STEAP3: variants seen among roughly 807,000 people sequenced by gnomAD.
The protein encoded by STEAP3 is metalloreductase STEAP3.
In STEAP3, 35 loss-of-function variants were observed where a neutral mutation model predicts 34.9. The ratio of observed to expected loss-of-function variants is 1.00; its 90% CI spans 0.76 to 1.33. The LOEUF (loss-of-function observed/expected upper bound fraction) is 1.33, where lower values mean the gene tolerates loss of function less well. Ranked by LOEUF, STEAP3 falls within the 40% of genes most tolerant of loss-of-function variation. The pLI, the probability that STEAP3 is intolerant of heterozygous loss-of-function variation, is 0.00. For synonymous variants in STEAP3, 281 were observed against 301.6 expected (o/e 0.93, Z 0.71); for missense variants, 652 against 667.6 (o/e 0.98, Z 0.26).
chr2:119,247,764 G>A lies in STEAP3; in HGVS notation c.608G>A (p.Gly203Glu), dbSNP rs774917960. The A allele has an allele frequency of 4.4e-6, 7 of 1,605,578 alleles. No homozygotes were observed. In the South Asian group the frequency reaches 4.4e-5, roughly 10 times the overall value. ...LAMGFMPVDMGSLASAWEVEA... is the reference protein window; with the variant it reads ...LAMGFMPVDMESLASAWEVEA... ...ATGGGCTTCATGCCCGTGGACATGGGATCCCTGGCGTCAGCCTGGGAGGTG... is the reference window on the plus strand; with the variant it reads ...ATGGGCTTCATGCCCGTGGACATGGAATCCCTGGCGTCAGCCTGGGAGGTG... Residue 203 changes from glycine (G) to glutamate (E), a missense_variant, in exon 4 of 6, where the codon GGA (glycine) becomes GAA (glutamate). By Grantham distance (98) the Gly-to-Glu change is moderately conservative (BLOSUM62 -2). Transcript: ENST00000393110.
intron 1 of STEAP3, among the ~76,000 whole-genome samples, chr2:119,228,027 G>A (rs918548899): frequency 6.6e-6 from 1 of 151,924 alleles, no homozygotes; most frequent in Non-Finnish European, 1.5e-5. Flanking sequence ...ATGGGGTTTT[G>A]CCATGTTGGC....
chr2:119,231,250 T>C (rs571455092), intron 2 of STEAP3, among the ~76,000 whole-genome samples: 1 of 152,296 alleles, frequency 6.6e-6, no homozygotes, highest in East Asian at 1.9e-4. Flanking sequence ...GCTGCACGTT[T>C]TCATGGCCCC....
chr2:119,242,246 G>C (rs1677267739), intron 2 of STEAP3, among the ~76,000 whole-genome samples: 1 of 152,150 alleles, frequency 6.6e-6, no homozygotes, highest in African/African-American at 2.4e-5. Flanking sequence ...CAAATCATCA[G>C]CAAATGTTGG....
Position 119,254,765 on chromosome 2 carries a change from C to T in STEAP3, c.1132C>T (p.Leu378Phe). Residue 378 changes from leucine to phenylalanine, a missense_variant, in exon 5 of 6, where the codon CTC becomes TTC. Coordinates refer to ENST00000393110, the MANE Select transcript of STEAP3 (RefSeq NM_182915.3). ...CTACCTCTCCCTGGGAGTGCTGGCCCTCGGCACGTTGTCCCTGCTGGCCGT... is the reference window on the plus strand; with the variant it reads ...CTACCTCTCCCTGGGAGTGCTGGCCTTCGGCACGTTGTCCCTGCTGGCCGT... ...EIYLSLGVLA[L>F]GTLSLLAVTS... is the part of the protein sequence containing the mutation. The T allele has an allele frequency of 1.2e-6, 2 of 1,614,182 alleles. No homozygotes were observed. The highest frequency in any genetic ancestry group is 1.7e-6 in the Non-Finnish European group (2 of 1,180,028).
chr2:119,233,303 C>G (rs1677000421), intron 2 of STEAP3, among the ~76,000 whole-genome samples: 1 of 152,336 alleles, frequency 6.6e-6, no homozygotes, highest in Non-Finnish European at 1.5e-5. Flanking sequence ...TCACTTTGAC[C>G]AGATCTGCAG....
chr2:119,238,613 G>A (rs1280828187), intron 2 of STEAP3, among the ~76,000 whole-genome samples: 3 of 152,106 alleles, frequency 2.0e-5, no homozygotes, highest in Non-Finnish European at 2.9e-5. Context: ...GTGCTCTTTC[G>A]ATTTCGTCAG....
rs149699771 is a variant in STEAP3 at position 119,241,705 on chromosome 2, G to A, written c.23-3784G>A. On this transcript the variant is annotated intron_variant, in intron 2 of 5. Coordinates refer to ENST00000393110, the MANE Select transcript of STEAP3 (RefSeq NM_182915.3). Reference sequence around the variant, plus strand: ...GGGACCAGCTCCCCTCGGCTGCAGCGGCCTCCATATCAGCTCCCTGGAAGG... The same window carrying A: ...GGGACCAGCTCCCCTCGGCTGCAGCAGCCTCCATATCAGCTCCCTGGAAGG... Among the ~76,000 whole-genome samples, 420 of 152,236 alleles carry A rather than the reference G, an allele frequency of 2.8e-3. 1 individual carries two copies. Among genetic ancestry groups the A allele is most frequent in the African/African-American group, 9.5e-3 (395 of 41,532 alleles).
At chr2:119,228,834 G>A (rs573034524) in intron 1 of STEAP3, among the ~76,000 whole-genome samples, 17 of 152,122 alleles carry the variant, frequency 1.1e-4, no homozygotes, top group Non-Finnish European at 1.9e-4. Flanking sequence ...AGGGAGCTCA[G>A]GGTAGAGCCA....
At chr2:119,262,942 G>A in intron 5 of STEAP3, 115 bp from the exon 6 acceptor site, 2 of 1,415,570 alleles carry the variant, frequency 1.4e-6, no homozygotes, top group Non-Finnish European at 1.9e-6. Flanking sequence ...ACCCATAGCG[G>A]TGAGTACTAA....
At chr2:119,240,020 C>CA (rs148134933) in intron 2 of STEAP3, among the ~76,000 whole-genome samples, 9,735 of 152,006 alleles carry the variant, frequency 0.064, 421 homozygotes, top group Middle Eastern at 0.11. Context: ...ACTGACCAGA[C>CA]AAAAAAAATT....
At chr2:119,239,058 C>T (rs1558746012) in intron 2 of STEAP3, among the ~76,000 whole-genome samples, 1 of 152,134 alleles carries the variant, frequency 6.6e-6, no homozygotes, top group South Asian at 2.1e-4. Context: ...CGCAATGCCC[C>T]AGGTGTATAT....
rs1275390283 is a variant in STEAP3 at position 119,248,083 on chromosome 2, A to G, written c.927A>G (p.Leu309=). Residue 309 remains leucine, a synonymous_variant, in exon 4 of 6, where the codon CTA becomes CTG. Coordinates refer to ENST00000393110, the MANE Select transcript of STEAP3 (RefSeq NM_182915.3). ...QRFPDWLDHW[L]QHRKQIGLLS... ...TCCCCGACTGGCTGGACCACTGGCTACAGCACCGCAAGCAGATCGGGCTGC... is the reference window on the plus strand; with the variant it reads ...TCCCCGACTGGCTGGACCACTGGCTGCAGCACCGCAAGCAGATCGGGCTGC... The G allele has an allele frequency of 6.2e-7, 1 of 1,608,446 alleles. No homozygotes were observed. The highest frequency in any genetic ancestry group is 1.7e-5 in the Admixed American group (1 of 59,996).
intron 5 of STEAP3, chr2:119,257,602 C>A: frequency 1.3e-6 from 2 of 1,525,738 alleles, no homozygotes; most frequent in South Asian, 1.3e-5. Flanking sequence ...GTGCCTGTGT[C>A]CACCCCATAT....
intron 2 of STEAP3, among the ~76,000 whole-genome samples, chr2:119,243,066 G>A (rs892188169): frequency 1.3e-5 from 2 of 152,218 alleles, no homozygotes; most frequent in Non-Finnish European, 2.9e-5. Flanking sequence ...CTGCATGTCT[G>A]TGCAGGAGTG....
Position 119,263,632 on chromosome 2 carries a change from G to A in STEAP3, c.*294G>A, listed in dbSNP as rs767963979. ...GTAGATTTAAAAACAAGTGCCGTAC[G>A]TTAAGAGAAGAGCAGATCATGCTAT... On this transcript the variant is annotated 3_prime_UTR_variant, in exon 6 of 6. Transcript: ENST00000393110. The A allele has an allele frequency of 2.0e-5, 10 of 490,798 alleles. No individual in the cohort carries two copies. Among genetic ancestry groups the A allele is most frequent in the Middle Eastern group, 5.8e-4 (1 of 1,720 alleles). The allele number at this position is 490,798 out of a possible 1,614,324, so 30.4% of individuals were successfully genotyped here. A position where few individuals can be genotyped will look rare whatever the true frequency, so the allele number is the denominator to read the frequency against.
At chr2:119,257,301 T>C (rs753640048) in intron 5 of STEAP3, among the ~76,000 whole-genome samples, 15 of 152,232 alleles carry the variant, frequency 9.9e-5, no homozygotes, top group Non-Finnish European at 1.8e-4. Context: ...TGGTTCTTAC[T>C]GTGAGTCCCT....
At chr2:119,226,199 G>A (rs1573531853) in intron 1 of STEAP3, among the ~76,000 whole-genome samples, 1 of 152,228 alleles carries the variant, frequency 6.6e-6, no homozygotes, top group Admixed American at 6.5e-5. Flanking sequence ...AACTGAGAGG[G>A]CTGGGGTGAG....
chr2:119,254,297 C>G (rs1677710716), intron 4 of STEAP3, among the ~76,000 whole-genome samples: 3 of 152,072 alleles, frequency 2.0e-5, no homozygotes, highest in Admixed American at 2.0e-4. Flanking sequence ...TTCTGGTTGA[C>G]TCCTTACTCT....
At chr2:119,230,311 G>A (rs966424502) in intron 1 of STEAP3, among the ~76,000 whole-genome samples, 7 of 152,076 alleles carry the variant, frequency 4.6e-5, no homozygotes, top group East Asian at 1.9e-4. Context: ...TTCAGCCCCC[G>A]TCCATGCTTT....
Sources: allele counts gnomAD v4.1 joint callset (sites outside exome capture counted in the v4.1 genomes callset), GRCh38; gene constraint gnomAD v4.1.1; transcripts MANE v1.5; gene names NCBI Gene and HGNC (gene_info 2026-07-23, HGNC 2026-07-21).